CYP51A1: variants seen among roughly 807,000 people sequenced by gnomAD.
CYP51A1 encodes cytochrome P450 family 51 subfamily A member 1, also known as lanosterol 14-alpha demethylase.
CYP51A1 carries 45 observed loss-of-function variants against 53.5 expected under a neutral mutation model. The ratio of observed to expected loss-of-function variants is 0.84; its 90% CI spans 0.66 to 1.08. The LOEUF (loss-of-function observed/expected upper bound fraction) is 1.08, where lower values mean the gene tolerates loss of function less well. CYP51A1 is among the 50% of genes least tolerant of loss of function. The pLI, the probability that CYP51A1 is intolerant of heterozygous loss-of-function variation, is 0.00. For synonymous variants in CYP51A1, 181 were observed against 217.7 expected (o/e 0.83, Z 1.48); for missense variants, 462 against 621.7 (o/e 0.74, Z 2.73).
At chr7:92,123,052 C>T in intron 7 of CYP51A1, 68 bp downstream of exon 7, 1 of 1,225,598 alleles carries the variant, frequency 8.2e-7, no homozygotes, top group Non-Finnish European at 1.2e-6. Context: ...TCAAATTGTC[C>T]CTTTTAAAAA....
intron 7 of CYP51A1, among the ~76,000 whole-genome samples, chr7:92,122,899 G>A (rs961440698): frequency 1.3e-5 from 2 of 152,002 alleles, no homozygotes. Flanking sequence ...CATCCCCAAG[G>A]ATCTCTAAGC....
In CYP51A1 at chr7:92,113,411, C is replaced by G; in HGVS notation, c.*254G>C. The G allele has an allele frequency of 2.5e-6, 1 of 396,132 alleles. No individual in the cohort carries two copies. The highest frequency in any genetic ancestry group is 3.4e-5 in the South Asian group (1 of 29,568). The allele number at this position is 396,132 out of a possible 1,614,324, so 24.5% of individuals were successfully genotyped here. Reference sequence around the variant, plus strand: ...GAATCTGCCAATTACCTAGATCCCCCCTCAACAATTGTTTCACCAAGGAAC... The same window carrying G: ...GAATCTGCCAATTACCTAGATCCCCGCTCAACAATTGTTTCACCAAGGAAC... On this transcript the variant is annotated 3_prime_UTR_variant, in exon 10 of 10. Coordinates refer to ENST00000003100, the MANE Select transcript of CYP51A1 (RefSeq NM_000786.4).
intron 2 of CYP51A1, among the ~76,000 whole-genome samples, chr7:92,130,742 C>T (rs1030292351): frequency 2.6e-5 from 4 of 152,154 alleles, no homozygotes; most frequent in African/African-American, 9.7e-5. Context: ...CCTAAATCAA[C>T]GTTTTTAATC....
At chr7:92,126,993 T>C (rs745579408) in intron 4 of CYP51A1, among the ~76,000 whole-genome samples, 8 of 152,252 alleles carry the variant, frequency 5.3e-5, no homozygotes, top group Non-Finnish European at 1.2e-4. Flanking sequence ...CTAAATGAAC[T>C]TCCAATGATC....
chr7:92,119,096 C>G (rs1365449819), intron 7 of CYP51A1, among the ~76,000 whole-genome samples: 3 of 152,118 alleles, frequency 2.0e-5, no homozygotes, highest in African/African-American at 7.2e-5. Context: ...AAGCCAGAAG[C>G]CTAACAACTA....
At chr7:92,121,075 A>G (rs1034242831) in intron 7 of CYP51A1, among the ~76,000 whole-genome samples, 3 of 152,168 alleles carry the variant, frequency 2.0e-5, no homozygotes, top group East Asian at 3.9e-4. Context: ...AGATGACTTG[A>G]GGTCAGGAGT....
intron 1 of CYP51A1, 72 bp from the exon 2 acceptor site, chr7:92,131,944 C>A: frequency 2.2e-6 from 2 of 927,124 alleles, no homozygotes; most frequent in South Asian, 1.4e-5. Context: ...CGTTTCATGA[C>A]CAAACAATTA....
intron 2 of CYP51A1, 139 bp from the exon 3 acceptor site, chr7:92,129,195 C>T: frequency 2.0e-6 from 1 of 508,058 alleles, no homozygotes; most frequent in Non-Finnish European, 3.4e-6. Context: ...TTTCATCTTG[C>T]CATACTCCTC....
In CYP51A1 at chr7:92,134,439, A is replaced by T; in HGVS notation, c.-75T>A. The T allele has an allele frequency of 2.1e-6, 3 of 1,440,516 alleles. No individual in the cohort carries two copies. Among genetic ancestry groups the T allele is most frequent in the Non-Finnish European group, 2.8e-6 (3 of 1,079,146 alleles). The allele number at this position is 1,440,516 out of a possible 1,614,324, so 89.2% of individuals were successfully genotyped here. A position where few individuals can be genotyped will look rare whatever the true frequency, so the allele number is the denominator to read the frequency against. ...TCGACGGAACGAGAGAAGCTGGCAG[A>T]TGGTCGTCCACAGGGGGCCTTGCCC... On this transcript the variant is annotated 5_prime_UTR_variant, in exon 1 of 10. Transcript: ENST00000003100.
chr7:92,121,764 G>C (rs1428481685), intron 7 of CYP51A1, among the ~76,000 whole-genome samples: 1 of 152,176 alleles, frequency 6.6e-6, no homozygotes, highest in Non-Finnish European at 1.5e-5. Flanking sequence ...ATCCAGAATA[G>C]GCAAACTCAC....
At chr7:92,118,871 G>A (rs901954079) in intron 7 of CYP51A1, among the ~76,000 whole-genome samples, 3 of 152,144 alleles carry the variant, frequency 2.0e-5, no homozygotes, top group Non-Finnish European at 2.9e-5. Flanking sequence ...AATGAAAACA[G>A]TAGCAACAAT....
chr7:92,123,913 T>C, intron 5 of CYP51A1, 60 bp from the exon 6 acceptor site: 3 of 1,412,044 alleles, frequency 2.1e-6, no homozygotes, highest in Non-Finnish European at 2.8e-6. Context: ...TAGGATCAAA[T>C]TCATTTTGAG....
Position 92,118,546 on chromosome 7 carries a change from T to C in CYP51A1, c.1156A>G (p.Met386Val), listed in dbSNP as rs773893086. 4.4e-6 allele frequency: 7 copies of C among 1,592,964 alleles called. No homozygotes were observed. The highest frequency in any genetic ancestry group is 2.2e-5 in the East Asian group (1 of 44,788). Residue 386 changes from methionine to valine, a missense_variant, in exon 8 of 10, where the codon ATG (methionine) becomes GTG (valine). Physicochemically the swap from Met to Val is conservative, Grantham distance 21. Coordinates refer to ENST00000003100, the MANE Select transcript of CYP51A1 (RefSeq NM_000786.4). ...TLRLRPPIMIMMRMARTPQTV... is the reference protein window; with the variant it reads ...TLRLRPPIMIVMRMARTPQTV... Reference sequence around the variant, plus strand: ...TGAGGAGTTCTGGCCATTCTCATCATGATCATTATAGGAGGTCTAAGTCTT... The same window carrying C: ...TGAGGAGTTCTGGCCATTCTCATCACGATCATTATAGGAGGTCTAAGTCTT...
chr7:92,123,665 T>C, intron 6 of CYP51A1, 69 bp downstream of exon 6: 1 of 1,422,744 alleles, frequency 7.0e-7, no homozygotes, highest in Non-Finnish European at 9.5e-7. Flanking sequence ...TAACTGGAAA[T>C]ACTATTTAAC....
chr7:92,124,569 T>C (rs918418267), intron 5 of CYP51A1, among the ~76,000 whole-genome samples: 2 of 151,988 alleles, frequency 1.3e-5, no homozygotes, highest in African/African-American at 4.8e-5. Context: ...TCAAGCCTTC[T>C]AAAAAAAACT....
At chr7:92,128,455 T>TGTGTGC (rs759739146) in intron 3 of CYP51A1, among the ~76,000 whole-genome samples, 6 of 102,046 alleles carry the variant, frequency 5.9e-5, no homozygotes, top group East Asian at 5.3e-4. Context: ...TGTGTGTGTG[T>TGTGTGC]GCGCGTGCGT....
In CYP51A1 at chr7:92,134,176, C is replaced by A. The variant is rs749982256; in HGVS notation, c.189G>T (p.Gly63=). The A allele has an allele frequency of 1.2e-6, 2 of 1,611,738 alleles. No individual in the cohort carries two copies. Among genetic ancestry groups the A allele is most frequent in the Non-Finnish European group, 1.7e-6 (2 of 1,179,674 alleles). Residue 63 remains glycine, a synonymous_variant, in exon 1 of 10, where the codon GGG becomes GGT. Coordinates refer to ENST00000003100, the MANE Select transcript of CYP51A1 (RefSeq NM_000786.4). ...AGACCCTAAAGAATGTACGTACCAC[C>A]CCTGCGGGCAGCTGGACCAGGTGGC... The part of the protein sequence containing the change: ...AAGHLVQLPA[G]VKSPPYIFSP...
intron 3 of CYP51A1, 100 bp downstream of exon 3, chr7:92,128,780 T>C (rs1268193811): frequency 1.9e-5 from 21 of 1,091,952 alleles, no homozygotes; most frequent in African/African-American, 3.2e-5. Context: ...TGAGCCACCA[T>C]GCCTGGCTGT....
rs1819505656 is a variant in CYP51A1, at chr7:92,113,377, T to C, written c.*288A>G. 3.5e-6 allele frequency: 1 copy of C among 284,050 alleles called. No individual in the cohort carries two copies. Among genetic ancestry groups the C allele is most frequent in the African/African-American group, 2.3e-5 (1 of 44,236 alleles). 17.6% of individuals were successfully genotyped at this position (284,050 alleles called of 1,614,324 possible). On this transcript the variant is annotated 3_prime_UTR_variant, in exon 10 of 10. Coordinates refer to ENST00000003100, the MANE Select transcript of CYP51A1 (RefSeq NM_000786.4). The stretch of plus-strand genomic sequence containing the variant: ...TCTTAAAATTACTATCTGGAAATTA[T>C]ATTATTTAGAATCTGCCAATTACCT...
Sources: allele counts gnomAD v4.1 joint callset (sites outside exome capture counted in the v4.1 genomes callset), GRCh38; gene constraint gnomAD v4.1.1; transcripts MANE v1.5; gene names NCBI Gene and HGNC (gene_info 2026-07-23, HGNC 2026-07-21).